The following IKZF3 variants were observed in gnomAD, a reference collection of about 807,000 sequenced individuals.
IKZF3 encodes zinc finger protein Aiolos.
A neutral mutation model predicts 49.0 loss-of-function variants in IKZF3; 10 were observed. The ratio of observed to expected loss-of-function variants is 0.20; its 90% CI spans 0.13 to 0.35. The LOEUF (loss-of-function observed/expected upper bound fraction) is 0.35. Ranked by LOEUF, IKZF3 falls within the 10% of genes least tolerant of loss-of-function variation. The probability of loss-of-function intolerance (pLI) is 1.00; values close to 1 mark genes in which losing one functional copy is unlikely to be tolerated. For missense variants in IKZF3, 498 were observed against 664.8 expected, an observed-to-expected ratio of 0.75 and a Z score of 2.76; for synonymous variants, 209 against 228.2, an observed-to-expected ratio of 0.92 and a Z score of 0.76.
intron 1 of IKZF3, among the ~76,000 whole-genome samples, chr17:39,841,256 G>A (rs1234311863): frequency 1.3e-5 from 2 of 152,036 alleles, no homozygotes; most frequent in Non-Finnish European, 2.9e-5. Flanking sequence ...AAGAGGACAT[G>A]CAGGGAGGAG....
At chr17:39,808,593 G>A (rs2061485547) in intron 3 of IKZF3, among the ~76,000 whole-genome samples, 1 of 152,198 alleles carries the variant, frequency 6.6e-6, no homozygotes, top group African/African-American at 2.4e-5. Flanking sequence ...TTATTAATTA[G>A]TTAATGAGCA....
chr17:39,802,708 TACTCAAGAGGCTGAG>T (rs976074478), intron 3 of IKZF3, among the ~76,000 whole-genome samples: 2 of 149,770 alleles, frequency 1.3e-5, no homozygotes, highest in African/African-American at 4.9e-5. Context: ...TAGTCCCAAC[TACTCAAGAGGCTGAG>T]AAGGGAGGAT....
chr17:39,804,676 C>T (rs865793131), intron 3 of IKZF3, among the ~76,000 whole-genome samples: 2 of 152,098 alleles, frequency 1.3e-5, no homozygotes, highest in Non-Finnish European at 2.9e-5. Flanking sequence ...GACTTCTTTG[C>T]CCATTGTGGT....
At chr17:39,795,779 A>G (rs56928975) in intron 3 of IKZF3, among the ~76,000 whole-genome samples, 13,998 of 150,256 alleles carry the variant, frequency 0.093, 1,318 homozygotes, top group African/African-American at 0.25. Context: ...CTGGCTGGGC[A>G]TAGTGGCTCA....
At chr17:39,852,182 AACAAAACAAAC>A (rs2062896752) in intron 1 of IKZF3, among the ~76,000 whole-genome samples, 1 of 152,184 alleles carries the variant, frequency 6.6e-6, no homozygotes, top group Admixed American at 6.6e-5. Context: ...ATCTTTGAAA[AACAAAACAAAC>A]ACAAAACCTC....
intron 3 of IKZF3, 109 bp downstream of exon 3, chr17:39,829,278 T>C: frequency 1.4e-6 from 1 of 735,864 alleles, no homozygotes. Context: ...GAATCACTCC[T>C]AACTAAACCT....
chr17:39,823,741 G>T (rs145919431), intron 3 of IKZF3, among the ~76,000 whole-genome samples: 1 of 152,204 alleles, frequency 6.6e-6, no homozygotes, highest in Non-Finnish European at 1.5e-5. Flanking sequence ...AGCCTTGGCA[G>T]CTTCCATGTG....
At chr17:39,803,012 C>T (rs1477304630) in intron 3 of IKZF3, among the ~76,000 whole-genome samples, 1 of 152,070 alleles carries the variant, frequency 6.6e-6, no homozygotes, top group Non-Finnish European at 1.5e-5. Flanking sequence ...AATAATTTTG[C>T]TTAATAATTT....
chr17:39,860,320 G>A (rs1300756693), intron 1 of IKZF3, among the ~76,000 whole-genome samples: 1 of 151,858 alleles, frequency 6.6e-6, no homozygotes, highest in Non-Finnish European at 1.5e-5. Context: ...CTAAATAAGT[G>A]TAAGTATATA....
At chr17:39,820,674 G>A (rs9908983) in intron 3 of IKZF3, among the ~76,000 whole-genome samples, 8,682 of 152,148 alleles carry the variant, frequency 0.057, 378 homozygotes, top group African/African-American at 0.12. Context: ...AGTAGCAGGG[G>A]CAGGAGTGTC....
chr17:39,788,634 C>T lies in IKZF3; in HGVS notation c.593-260G>A, dbSNP rs372199259. Among the ~76,000 whole-genome samples the T allele has an allele frequency of 1.2e-4, 18 of 152,136 alleles. No individual in the cohort carries two copies. The East Asian group carries it at 2.3e-3, about 20-fold the overall frequency. On this transcript the variant is annotated intron_variant, in intron 5 of 7. Transcript: ENST00000346872. ...AATTTGGATTTAGTGATTACCATTTCGCATACTGTTTTGGCTCCAGGTCAA... is the reference window on the plus strand; with the variant it reads ...AATTTGGATTTAGTGATTACCATTTTGCATACTGTTTTGGCTCCAGGTCAA...
chr17:39,842,742 A>C (rs1376213804), intron 1 of IKZF3, among the ~76,000 whole-genome samples: 2 of 152,200 alleles, frequency 1.3e-5, no homozygotes, highest in African/African-American at 4.8e-5. Context: ...GTGGTGACAG[A>C]TGGGATATTT....
chr17:39,806,972 C>G (rs572876147), intron 3 of IKZF3, among the ~76,000 whole-genome samples: 1 of 152,164 alleles, frequency 6.6e-6, no homozygotes, highest in Non-Finnish European at 1.5e-5. Flanking sequence ...AGTCTAACAG[C>G]CTTCAGGAAC....
rs116631450 is a variant in IKZF3, at chr17:39,792,781, C to T, written c.316G>A (p.Val106Ile). The T allele has an allele frequency of 1.6e-5, 26 of 1,614,152 alleles. No individual in the cohort carries two copies. Among genetic ancestry groups the T allele is most frequent in the East Asian group, 4.5e-5 (2 of 44,882 alleles). Residue 106 changes from valine to isoleucine, a missense_variant, in exon 4 of 8, where the codon GTC becomes ATC. Transcript: ENST00000346872. ...GTTGGCCTGCTACTATCGAATGAGACAACATGTCTCTCCAACTTAATGTTT... is the reference window on the plus strand; with the variant it reads ...GTTGGCCTGCTACTATCGAATGAGATAACATGTCTCTCCAACTTAATGTTT... ...YENIKLERHV[V>I]SFDSSRPTSG...
At chr17:39,810,714 C>A (rs1055631164) in intron 3 of IKZF3, among the ~76,000 whole-genome samples, 2 of 151,396 alleles carry the variant, frequency 1.3e-5, no homozygotes, top group Non-Finnish European at 2.9e-5. Context: ...ATTAGCATTA[C>A]AATTATTAAC....
At position 39,791,815 on chromosome 17, in the gene IKZF3, A is replaced by T. The variant is rs143953424; in HGVS notation, c.425-232T>A. On this transcript the variant is annotated intron_variant, in intron 4 of 7. Coordinates refer to ENST00000346872, the MANE Select transcript of IKZF3 (RefSeq NM_012481.5). ...TTTAGGTATCATATTGAATCAGAGC[A>T]AAGAAACAAGAGCAGCTCTAGAAGT... 6.8e-3 allele frequency among the ~76,000 whole-genome samples: 1,031 copies of T among 152,234 alleles called. 13 individuals carry two copies. The highest frequency in any genetic ancestry group is 0.024 in the African/African-American group (986 of 41,530).
rs574884376 is a variant in IKZF3, at chr17:39,855,957, A to C, written c.7+8163T>G. ...TGATGTAACATGTATTATAATATAC[A>C]ATGTATATTGTATATGTACAATATA... On this transcript the variant is annotated intron_variant, in intron 1 of 7. Coordinates refer to ENST00000346872, the MANE Select transcript of IKZF3 (RefSeq NM_012481.5). Among the ~76,000 whole-genome samples, 12 of 151,158 alleles carry C rather than the reference A, an allele frequency of 7.9e-5. No individual in the cohort carries two copies. The South Asian group carries it at 8.4e-4, about 11-fold the overall frequency.
intron 1 of IKZF3, among the ~76,000 whole-genome samples, chr17:39,857,020 TC>T (rs1469092316): frequency 6.6e-6 from 1 of 152,158 alleles, no homozygotes; most frequent in East Asian, 1.9e-4. Context: ...GAAATTTAAA[TC>T]AAGTTAGCCC....
intron 1 of IKZF3, among the ~76,000 whole-genome samples, chr17:39,855,680 G>A (rs906938688): frequency 2.6e-5 from 4 of 152,118 alleles, no homozygotes; most frequent in African/African-American, 4.8e-5. Flanking sequence ...AAAATTAGTC[G>A]GGCAGTATTG....
Sources: gnomAD v4.1 joint callset for allele counts (sites outside exome capture counted in the v4.1 genomes callset) on GRCh38, gnomAD v4.1.1 for gene constraint, MANE v1.5 for transcripts, NCBI Gene and HGNC (gene_info 2026-07-23, HGNC 2026-07-21) for gene names.